Variants in VPS13A observed in about 807,000 individuals in gnomAD.
VPS13A encodes vacuolar protein sorting 13 homolog A.
VPS13A carries 264 observed loss-of-function variants against 390.9 expected under a neutral mutation model. The ratio of observed to expected loss-of-function variants is 0.68; its 90% CI spans 0.61 to 0.75. The LOEUF is 0.75. Ranked by LOEUF, VPS13A falls within the 30% of genes least tolerant of loss-of-function variation. VPS13A has a pLI of 0.00. For synonymous variants in VPS13A, 1,231 were observed against 1,227.1 expected (o/e 1.00, Z -0.07); for missense variants, 3,409 against 3,733.9 (o/e 0.91, Z 2.27).
At chr9:77,365,183 A>G (rs570010207) in intron 59 of VPS13A, among the ~76,000 whole-genome samples, 34 of 152,314 alleles carry the variant, frequency 2.2e-4, no homozygotes, top group African/African-American at 7.9e-4. Flanking sequence ...GATGGTATGG[A>G]TTAATGTCAT....
At chr9:77,411,860 GAAGAA>G (rs1587737661) in intron 71 of VPS13A, among the ~76,000 whole-genome samples, 1 of 151,596 alleles carries the variant, frequency 6.6e-6, no homozygotes, top group East Asian at 1.9e-4. Flanking sequence ...GTCTAATAAA[GAAGAA>G]AAGAGGGAAG....
rs1162439440 is a variant in VPS13A, at chr9:77,315,261, G to A, written c.4421G>A (p.Gly1474Glu). The A allele has an allele frequency of 6.2e-7, 1 of 1,613,770 alleles. No homozygotes were observed. The highest frequency in any genetic ancestry group is 8.5e-7 in the Non-Finnish European group (1 of 1,179,722). Reference sequence around the variant, plus strand: ...GTTATTGTGTTTTCCAGAATGATAGGACTGACAGTTGGTTTTGACAAAAAA... The same window carrying A: ...GTTATTGTGTTTTCCAGAATGATAGAACTGACAGTTGGTTTTGACAAAAAA... ...HVKKATPRMI[G>E]LTVGFDKKDM... The change falls in exon 38 of 72, where the codon GGA (glycine) becomes GAA (glutamate). Residue 1474 changes from glycine (G) to glutamate (E), a missense_variant. By Grantham distance (98) the Gly-to-Glu change is moderately conservative. This residue lies in a region of VPS13A where 2,717 missense variants were observed against 2,917.4 expected (regional missense o/e 0.93). Coordinates refer to ENST00000360280, the MANE Select transcript of VPS13A (RefSeq NM_033305.3).
chr9:77,374,284 A>G (rs765412769), intron 67 of VPS13A, among the ~76,000 whole-genome samples: 20 of 152,202 alleles, frequency 1.3e-4, no homozygotes, highest in Non-Finnish European at 2.4e-4. Context: ...TTAATTTTAA[A>G]TTAGGCTCAG....
Position 77,337,348 on chromosome 9 carries a change from A to G in VPS13A, c.6189A>G (p.Leu2063=), listed in dbSNP as rs773061862. ...TTATAAAAAATGATGGTGCTCTTCTAAAGAAGAAATGTAGATCTAAAAACC... is the reference window on the plus strand; with the variant it reads ...TTATAAAAAATGATGGTGCTCTTCTGAAGAAGAAATGTAGATCTAAAAACC... ...EEIIKNDGAL[L]KKKCRSKNPS... is the part of the protein sequence containing the mutation. The change falls in exon 47 of 72, where the codon CTA becomes CTG. Residue 2063 remains leucine (L), a synonymous_variant. Coordinates refer to ENST00000360280, the MANE Select transcript of VPS13A (RefSeq NM_033305.3). 32 of 1,612,342 alleles carry G rather than the reference A, an allele frequency of 2.0e-5. No homozygotes were observed. Among genetic ancestry groups the G allele is most frequent in the Non-Finnish European group, 2.7e-5 (32 of 1,178,650 alleles).
intron 14 of VPS13A, 135 bp downstream of exon 14, chr9:77,226,123 A>T: frequency 1.3e-6 from 1 of 755,804 alleles, no homozygotes. Flanking sequence ...TATTATAAGA[A>T]AATTATTTAA....
rs554143718 is a variant in VPS13A at position 77,225,576 on chromosome 9, CTAATA to C, written c.1162-348_1162-344del. ...ATTATATTTTTAGTTGAAAATGTAA[CTAATA>C]TGTTTACCCTTATCTGTAGTTTAAA... On this transcript the variant is annotated intron_variant, in intron 13 of 71. Transcript: ENST00000360280. Among the ~76,000 whole-genome samples, 874 of 152,198 alleles carry C rather than the reference CTAATA, an allele frequency of 5.7e-3. 11 individuals are homozygous for C. The highest frequency in any genetic ancestry group is 0.02 in the African/African-American group (843 of 41,536).
intron 46 of VPS13A, 147 bp from the exon 47 acceptor site, chr9:77,337,108 A>G: frequency 1.1e-6 from 1 of 896,888 alleles, no homozygotes; most frequent in Non-Finnish European, 1.6e-6. Context: ...TATCTATCTT[A>G]CTTATATCGT....
chr9:77,205,350 T>A lies in VPS13A; in HGVS notation c.225T>A (p.Tyr75Ter). Residue 75 changes from tyrosine to a stop codon, truncating the protein, a stop_gained, in exon 4 of 72, where the codon TAT becomes TAA. Transcript: ENST00000360280. LOFTEE classifies it high-confidence loss of function. ...LKLIIPWKNLYTQPVEAVLEE... is the reference protein window; with the variant it reads ...LKLIIPWKNL ...TTATAATTCCATGGAAAAACCTTTA[T>A]ACTCAACCTGTTGAAGCCGTATTGG... 6.6e-7 allele frequency: 1 copy of A among 1,520,944 alleles called. No homozygotes were observed. 94.2% of individuals were successfully genotyped at this position (1,520,944 alleles called of 1,614,324 possible).
chr9:77,234,865 T>G (rs1470438436), intron 17 of VPS13A, among the ~76,000 whole-genome samples: 4 of 152,186 alleles, frequency 2.6e-5, no homozygotes, highest in Non-Finnish European at 5.9e-5. Flanking sequence ...GGATTACAAT[T>G]AACAGTCCAA....
chr9:77,407,109 T>C (rs966803047), intron 70 of VPS13A, among the ~76,000 whole-genome samples: 7 of 152,328 alleles, frequency 4.6e-5, no homozygotes, highest in Middle Eastern at 3.4e-3. Flanking sequence ...ACAATATATG[T>C]ATGTGTTTAT....
At chr9:77,390,135 A>G (rs1419478898) in intron 68 of VPS13A, 2 of 985,100 alleles carry the variant, frequency 2.0e-6, no homozygotes, top group Non-Finnish European at 1.2e-6. Context: ...CTTCATCTGA[A>G]AATTTGAGTA....
intron 13 of VPS13A, among the ~76,000 whole-genome samples, chr9:77,224,911 C>T (rs1823422627): frequency 6.6e-6 from 1 of 152,204 alleles, no homozygotes; most frequent in Non-Finnish European, 1.5e-5. Context: ...CCACCCCAAC[C>T]TTCAGCAATC....
chr9:77,250,722 G>T (rs957288798), intron 21 of VPS13A, among the ~76,000 whole-genome samples: 5 of 152,204 alleles, frequency 3.3e-5, no homozygotes, highest in African/African-American at 1.2e-4. Context: ...ATACAAAGAC[G>T]AGGGTCACTC....
chr9:77,407,169 T>G (rs1834658015), intron 70 of VPS13A, among the ~76,000 whole-genome samples: 1 of 152,224 alleles, frequency 6.6e-6, no homozygotes, highest in Admixed American at 6.5e-5. Flanking sequence ...CTGGACTCAC[T>G]CATGATTCTA....
intron 15 of VPS13A, 63 bp from the exon 16 acceptor site, chr9:77,227,328 A>T (rs938645970): frequency 6.9e-6 from 8 of 1,154,322 alleles, no homozygotes; most frequent in African/African-American, 6.1e-5. Context: ...TTAAAGGCAG[A>T]TACATTGTGT....
intron 55 of VPS13A, 114 bp from the exon 56 acceptor site, chr9:77,357,578 C>A: frequency 9.2e-7 from 1 of 1,092,038 alleles, no homozygotes; most frequent in Non-Finnish European, 1.3e-6. Flanking sequence ...AGATCTAAAT[C>A]TAAACTAATA....
At chr9:77,260,867 A>G (rs1825721603) in intron 23 of VPS13A, among the ~76,000 whole-genome samples, 2 of 151,808 alleles carry the variant, frequency 1.3e-5, no homozygotes, top group South Asian at 4.2e-4. Flanking sequence ...GTGTGTGTGT[A>G]TGTAGTATGT....
intron 19 of VPS13A, among the ~76,000 whole-genome samples, chr9:77,245,082 A>T (rs1824730700): frequency 6.6e-6 from 1 of 152,178 alleles, no homozygotes; most frequent in Non-Finnish European, 1.5e-5. Context: ...CAAATATGAA[A>T]GTCATATTAA....
intron 71 of VPS13A, among the ~76,000 whole-genome samples, chr9:77,413,660 C>A (rs1437756354): frequency 6.6e-6 from 1 of 152,148 alleles, no homozygotes; most frequent in African/African-American, 2.4e-5. Flanking sequence ...TTAGGCAATA[C>A]CATTCAGGAC....
Sources: allele counts gnomAD v4.1 joint callset (sites outside exome capture counted in the v4.1 genomes callset), GRCh38; gene constraint gnomAD v4.1.1; regional missense constraint gnomAD v4.1.1; transcripts MANE v1.5; gene names NCBI Gene and HGNC (gene_info 2026-07-23, HGNC 2026-07-21).